The following PPP6C variants were observed in gnomAD, a reference collection of about 807,000 sequenced individuals.
PPP6C encodes the protein serine/threonine-protein phosphatase 6 catalytic subunit.
A neutral mutation model predicts 39.8 loss-of-function variants in PPP6C; 11 were observed. The ratio of observed to expected loss-of-function variants is 0.28; its 90% CI spans 0.17 to 0.46. The LOEUF is 0.46. Ranked by LOEUF, PPP6C falls within the 20% of genes least tolerant of loss-of-function variation. The pLI is 1.00. For synonymous variants in PPP6C, 129 were observed against 130.3 expected (o/e 0.99, Z 0.07); for missense variants, 211 against 373.9 (o/e 0.56, Z 3.59).
intron 6 of PPP6C, chr9:125,150,988 C>A: frequency 7.4e-7 from 1 of 1,347,688 alleles, no homozygotes; most frequent in Non-Finnish European, 1.1e-6. Context: ...TGCAAACATG[C>A]TATCTGTGGC....
At chr9:125,181,177 C>T (rs1302931002) in intron 1 of PPP6C, among the ~76,000 whole-genome samples, 5 of 152,152 alleles carry the variant, frequency 3.3e-5, no homozygotes, top group African/African-American at 1.2e-4. Context: ...ACACTCACAG[C>T]GGCCTCAAAG....
At chr9:125,189,491 C>A in intron 1 of PPP6C, 153 bp downstream of exon 1, 1 of 1,454,388 alleles carries the variant, frequency 6.9e-7, no homozygotes, top group Non-Finnish European at 9.1e-7. Flanking sequence ...GCGAGACCCT[C>A]GGCGTGACGC....
intron 2 of PPP6C, among the ~76,000 whole-genome samples, chr9:125,168,138 C>A (rs539359375): frequency 6.6e-6 from 1 of 152,236 alleles, no homozygotes; most frequent in South Asian, 2.1e-4. Context: ...ACCTTAGAGA[C>A]CCAAGGGTCC....
intron 2 of PPP6C, 86 bp downstream of exon 2, chr9:125,170,993 ATGTTGT>A: frequency 5.1e-6 from 4 of 779,746 alleles, no homozygotes; most frequent in Non-Finnish European, 7.6e-6. Context: ...GTGTTTGTTG[ATGTTGT>A]TGTTGTTTTA....
chr9:125,186,817 C>T (rs190474343), intron 1 of PPP6C, among the ~76,000 whole-genome samples: 7 of 150,736 alleles, frequency 4.6e-5, no homozygotes, highest in Admixed American at 4.6e-4. Flanking sequence ...AAGTCAAGTA[C>T]AATGCAGCTA....
intron 1 of PPP6C, among the ~76,000 whole-genome samples, chr9:125,188,490 G>A (rs558776034): frequency 6.6e-5 from 10 of 151,454 alleles, no homozygotes; most frequent in South Asian, 2.1e-4. Context: ...ACTTTTCAAA[G>A]AAGCAGTATA....
intron 2 of PPP6C, among the ~76,000 whole-genome samples, chr9:125,161,210 T>G (rs778246101): frequency 3.5e-4 from 54 of 152,202 alleles, no homozygotes; most frequent in Non-Finnish European, 6.5e-4. Context: ...ATTGTCTAAT[T>G]TCTCAGTAAG....
At chr9:125,164,417 AG>A (rs1828968485) in intron 2 of PPP6C, among the ~76,000 whole-genome samples, 1 of 150,776 alleles carries the variant, frequency 6.6e-6, no homozygotes, top group Non-Finnish European at 1.5e-5. Context: ...TTGTACAGAA[AG>A]GGTTTCGCCA....
intron 6 of PPP6C, chr9:125,151,063 C>A: frequency 7.5e-7 from 1 of 1,339,036 alleles, no homozygotes; most frequent in Non-Finnish European, 1.1e-6. Context: ...TTTTGATAAC[C>A]CAGTGGACTA....
intron 1 of PPP6C, chr9:125,188,950 G>A (rs1829597748): frequency 1.9e-6 from 3 of 1,547,604 alleles, no homozygotes; most frequent in Non-Finnish European, 2.6e-6. Context: ...ATGAAATACT[G>A]AGTTAAGAAG....
chr9:125,158,661 T>G (rs1836140951), intron 3 of PPP6C, among the ~76,000 whole-genome samples: 1 of 151,856 alleles, frequency 6.6e-6, no homozygotes, highest in Non-Finnish European at 1.5e-5. Context: ...CACCATTTTT[T>G]TTTCTTTTTT....
At chr9:125,185,307 T>A (rs1201088398) in intron 1 of PPP6C, among the ~76,000 whole-genome samples, 2 of 151,312 alleles carry the variant, frequency 1.3e-5, no homozygotes, top group African/African-American at 4.9e-5. Context: ...TGCAGTGGCA[T>A]GATCTCGGCT....
intron 1 of PPP6C, among the ~76,000 whole-genome samples, chr9:125,173,688 GCTCACT>G: frequency 6.6e-6 from 1 of 151,980 alleles, no homozygotes; most frequent in African/African-American, 2.4e-5. Context: ...CGCAATCTCA[GCTCACT>G]GCAATCTCTG....
intron 1 of PPP6C, among the ~76,000 whole-genome samples, chr9:125,172,597 G>A (rs1373091586): frequency 6.6e-6 from 1 of 152,050 alleles, no homozygotes; most frequent in East Asian, 1.9e-4. Flanking sequence ...GAAGGAAGTG[G>A]GTGTGGCTAT....
chr9:125,163,868 A>ACGGAGTTT (rs1236414535), intron 2 of PPP6C, among the ~76,000 whole-genome samples: 2 of 139,512 alleles, frequency 1.4e-5, no homozygotes, highest in Admixed American at 1.5e-4. Context: ...TTTTTTTGAG[A>ACGGAGTTT]CGGAGTTTCG....
intron 3 of PPP6C, among the ~76,000 whole-genome samples, chr9:125,159,608 C>T (rs77672610): frequency 0.023 from 3,540 of 152,224 alleles, 144 homozygotes; most frequent in African/African-American, 0.082. Flanking sequence ...ATTATAACAG[C>T]GTTCTAGGCT....
At position 125,153,989 on chromosome 9, in the gene PPP6C, T is replaced by C. The variant is rs1399866955; in HGVS notation, c.380-4A>G. On this transcript the variant is annotated splice_polypyrimidine_tract_variant and splice_region_variant and intron_variant, in intron 4 of 6. Coordinates refer to ENST00000373547, the MANE Select transcript of PPP6C (RefSeq NM_002721.5). ...CCATATTTGGTTTGGCACTCATCTGTGAAAGAAACAGAAGGGTTTTAATTA... is the reference window on the plus strand; with the variant it reads ...CCATATTTGGTTTGGCACTCATCTGCGAAAGAAACAGAAGGGTTTTAATTA... 2.5e-6 allele frequency: 4 copies of C among 1,595,306 alleles called. No individual in the cohort carries two copies. Among genetic ancestry groups the C allele is most frequent in the Non-Finnish European group, 3.4e-6 (4 of 1,163,982 alleles).
intron 4 of PPP6C, among the ~76,000 whole-genome samples, chr9:125,157,848 G>A (rs1042058341): frequency 7.9e-5 from 12 of 151,884 alleles, no homozygotes; most frequent in Admixed American, 7.2e-4. Context: ...ACACCACCAC[G>A]CTCAGCTCAT....
intron 2 of PPP6C, among the ~76,000 whole-genome samples, chr9:125,162,481 A>G (rs1828902961): frequency 1.4e-5 from 2 of 139,950 alleles, no homozygotes; most frequent in African/African-American, 5.2e-5. Flanking sequence ...AAAAAAAAAA[A>G]AAGTGTTATG....
Sources: gnomAD v4.1 joint callset for allele counts (sites outside exome capture counted in the v4.1 genomes callset) on GRCh38, gnomAD v4.1.1 for gene constraint, MANE v1.5 for transcripts, NCBI Gene and HGNC (gene_info 2026-07-23, HGNC 2026-07-21) for gene names.